The following TAF15 variants were observed in gnomAD, a reference collection of about 807,000 sequenced individuals.
TAF15 encodes TATA-binding protein-associated factor 2N.
TAF15 carries 37 observed loss-of-function variants against 102.5 expected under a neutral mutation model. That is an observed-to-expected ratio of 0.36 (90% CI 0.28 to 0.47). The LOEUF (loss-of-function observed/expected upper bound fraction) is 0.47, where lower values mean the gene tolerates loss of function less well. TAF15 is among the 20% of genes least tolerant of loss of function. TAF15 has a pLI of 0.99. For synonymous variants in TAF15, 273 were observed against 259.2 expected (o/e 1.05, Z -0.51); for missense variants, 652 against 760.7 (o/e 0.86, Z 1.68).
At chr17:35,832,848 A>G (rs2087423615) in intron 7 of TAF15, among the ~76,000 whole-genome samples, 1 of 152,052 alleles carries the variant, frequency 6.6e-6, no homozygotes. Context: ...TGTCCTTGTG[A>G]TTCTAATTTG....
chr17:35,820,492 A>G (rs1225951850), intron 5 of TAF15, 55 bp downstream of exon 5: 1 of 1,512,102 alleles, frequency 6.6e-7, no homozygotes, highest in South Asian at 1.1e-5. Context: ...TAACACTGAT[A>G]TTAAACAGAT....
At chr17:35,836,505 A>G (rs1217503659) in intron 10 of TAF15, among the ~76,000 whole-genome samples, 1 of 152,162 alleles carries the variant, frequency 6.6e-6, no homozygotes, top group Non-Finnish European at 1.5e-5. Context: ...TAGTTCTTAT[A>G]ACTGTGAGAA....
chr17:35,823,175 G>A (rs1322778502), intron 6 of TAF15, among the ~76,000 whole-genome samples: 1 of 152,164 alleles, frequency 6.6e-6, no homozygotes, highest in Non-Finnish European at 1.5e-5. Context: ...CCTAGTACAT[G>A]GTTTGGTTCA....
chr17:35,813,350 G>C (rs113927182), intron 1 of TAF15, among the ~76,000 whole-genome samples: 2,067 of 151,954 alleles, frequency 0.014, 41 homozygotes, highest in African/African-American at 0.044. Context: ...GAAAATGAAA[G>C]ATTTCAGGCA....
chr17:35,845,141 G>C, intron 15 of TAF15, 103 bp downstream of exon 15: 1 of 1,422,478 alleles, frequency 7.0e-7, no homozygotes, highest in Non-Finnish European at 9.9e-7. Context: ...ATTTCCCATT[G>C]CCAGTTCTCT....
At chr17:35,836,710 A>G (rs781307809) in intron 10 of TAF15, among the ~76,000 whole-genome samples, 2 of 151,952 alleles carry the variant, frequency 1.3e-5, no homozygotes, top group African/African-American at 4.8e-5. Context: ...AAGCAGCCTT[A>G]GTAATGTTTA....
At chr17:35,822,900 A>G (rs771377998) in intron 6 of TAF15, 67 bp downstream of exon 6, 119 of 1,577,548 alleles carry the variant, frequency 7.5e-5, no homozygotes, top group Middle Eastern at 5.0e-4. Context: ...ATTTCTGATT[A>G]AAAGAACCAC....
At chr17:35,842,335 C>A in intron 11 of TAF15, 32 bp from the exon 12 acceptor site, 1 of 1,542,388 alleles carries the variant, frequency 6.5e-7, no homozygotes, top group Non-Finnish European at 9.0e-7. Flanking sequence ...TATAGAGTAG[C>A]ATTGCTTCAA....
intron 2 of TAF15, among the ~76,000 whole-genome samples, chr17:35,819,629 A>G (rs2087236440): frequency 6.6e-6 from 1 of 152,212 alleles, no homozygotes; most frequent in Admixed American, 6.5e-5. Context: ...ATGTGATTAA[A>G]TTGAGTAAGG....
chr17:35,844,956 A>G lies in TAF15; in HGVS notation c.1657A>G (p.Arg553Gly), dbSNP rs2087605145. 6.3e-7 allele frequency: 1 copy of G among 1,591,904 alleles called. No individual in the cohort carries two copies. Among genetic ancestry groups the G allele is most frequent in the Non-Finnish European group, 8.6e-7 (1 of 1,168,816 alleles). The part of the protein sequence containing the change: ...GDRSGGYGGD[R>G]SGGGYGGDRG... ...CCGAAGTGGAGGCTATGGAGGAGAC[A>G]GGAGTGGTGGCGGCTATGGAGGAGA... Residue 553 changes from arginine to glycine, a missense_variant, in exon 15 of 16, where the codon AGG becomes GGG. Arg to Gly is a moderately radical substitution (Grantham distance 125). Transcript: ENST00000605844.
At chr17:35,832,885 A>T (rs11656322) in intron 7 of TAF15, among the ~76,000 whole-genome samples, 1 of 151,830 alleles carries the variant, frequency 6.6e-6, no homozygotes, top group East Asian at 1.9e-4. Context: ...GTCCTGGCGC[A>T]GTGGCTCGTG....
intron 14 of TAF15, 24 bp downstream of exon 14, chr17:35,844,392 C>G: frequency 2.5e-6 from 4 of 1,612,740 alleles, no homozygotes. Context: ...TTAATAGCAT[C>G]TGCATCGTGC....
rs144140449 is a variant in TAF15, at chr17:35,834,079, T to TTA, written c.640+153_640+154dup. 984 of 562,048 alleles carry TTA rather than the reference T, an allele frequency of 1.8e-3. 1 individual carries two copies. The highest frequency in any genetic ancestry group is 4.8e-3 in the African/African-American group (247 of 51,958). The allele number at this position is 562,048 out of a possible 1,614,324, so 34.8% of individuals were successfully genotyped here. ...TGTGTTGTGTGCTTTAAAAAAAATT[T>TTA]TATATATATATATATACACATATAT... On this transcript the variant is annotated intron_variant, in intron 8 of 15. Transcript: ENST00000605844.
chr17:35,842,137 TG>T (rs1031980948), intron 11 of TAF15, among the ~76,000 whole-genome samples: 1 of 152,060 alleles, frequency 6.6e-6, no homozygotes, highest in African/African-American at 2.4e-5. Context: ...TTTTTGTTTT[TG>T]TTTTTTTTTT....
rs566197589 is a variant in TAF15 at position 35,843,366 on chromosome 17, T to G, written c.1007-711T>G. Among the ~76,000 whole-genome samples, 93 of 152,252 alleles carry G rather than the reference T, an allele frequency of 6.1e-4. 1 individual carries two copies. Among genetic ancestry groups the G allele is most frequent in the African/African-American group, 2.2e-3 (92 of 41,562 alleles). On this transcript the variant is annotated intron_variant, in intron 12 of 15. Coordinates refer to ENST00000605844, the MANE Select transcript of TAF15 (RefSeq NM_139215.3). ...CTCGAACTCCCGACCTGAGATGATC[T>G]GCTTGCCTTGGCCTCCCAAAGTGCT...
rs375026627 is a variant in TAF15 at position 35,844,656 on chromosome 17, G to T, written c.1357G>T (p.Gly453Cys). ...CGGCTATGGTGGAGACAGAAGTGGG[G>T]GTGGCTATGGTGGGGACAGAGGCGG... ...GGGYGGDRSGGGYGGDRGGGY... is the reference protein window; with the variant it reads ...GGGYGGDRSGCGYGGDRGGGY... Residue 453 changes from glycine to cysteine, a missense_variant, in exon 15 of 16, where the codon GGT (glycine) becomes TGT (cysteine). By Grantham distance (159) the Gly-to-Cys change is radical (BLOSUM62 -3). This residue lies in a region of TAF15 where 368 missense variants were observed against 367.5 expected (regional missense o/e 1.00). Coordinates refer to ENST00000605844, the MANE Select transcript of TAF15 (RefSeq NM_139215.3). The T allele has an allele frequency of 6.3e-7, 1 of 1,599,872 alleles. No homozygotes were observed. The highest frequency in any genetic ancestry group is 1.1e-5 in the South Asian group (1 of 90,258).
chr17:35,827,858 A>G (rs1389753237), intron 7 of TAF15, among the ~76,000 whole-genome samples: 1 of 152,206 alleles, frequency 6.6e-6, no homozygotes, highest in East Asian at 1.9e-4. Context: ...TGTGAAAGAG[A>G]GATAAATCTG....
At chr17:35,835,957 C>T (rs1424695871) in intron 9 of TAF15, among the ~76,000 whole-genome samples, 175 bp from the exon 10 acceptor site, 1 of 152,076 alleles carries the variant, frequency 6.6e-6, no homozygotes, top group Non-Finnish European at 1.5e-5. Context: ...ATTGATCAAC[C>T]AAATAATTAC....
chr17:35,846,860 C>A (rs751216294), intron 15 of TAF15, 46 bp from the exon 16 acceptor site: 5 of 1,608,640 alleles, frequency 3.1e-6, no homozygotes, highest in East Asian at 2.2e-5. Context: ...GCTCCCCCTT[C>A]GTAGAAAATT....
Sources: allele counts gnomAD v4.1 joint callset (sites outside exome capture counted in the v4.1 genomes callset), GRCh38; gene constraint gnomAD v4.1.1; regional missense constraint gnomAD v4.1.1; transcripts MANE v1.5; gene names NCBI Gene and HGNC (gene_info 2026-07-23, HGNC 2026-07-21).